SOBP: variants seen among roughly 807,000 people sequenced by gnomAD.
The protein encoded by SOBP is sine oculis-binding protein homolog.
A neutral mutation model predicts 53.6 loss-of-function variants in SOBP; 4 were observed. The observed-to-expected ratio is 0.07, with a 90% CI of 0.04 to 0.17. SOBP has a LOEUF of 0.17. Ranked by LOEUF, SOBP falls within the 10% of genes least tolerant of loss-of-function variation. SOBP has a pLI of 1.00. For synonymous variants in SOBP, 584 were observed against 522.6 expected (o/e 1.12, Z -1.60); for missense variants, 1,088 against 1,204.7 (o/e 0.90, Z 1.43).
intron 4 of SOBP, among the ~76,000 whole-genome samples, chr6:107,573,998 A>G (rs1562625194): frequency 6.6e-6 from 1 of 152,192 alleles, no homozygotes; most frequent in Admixed American, 6.5e-5. Context: ...GGCACACAGT[A>G]GATGCTCAAT....
At chr6:107,534,102 C>T (rs565550869) in intron 4 of SOBP, among the ~76,000 whole-genome samples, 19 of 152,286 alleles carry the variant, frequency 1.2e-4, no homozygotes, top group Admixed American at 2.6e-4. Context: ...CTCTTGACAT[C>T]TTATGTTAAA....
chr6:107,496,535 A>G (rs9320217), intron 1 of SOBP, among the ~76,000 whole-genome samples: 117,886 of 152,140 alleles, frequency 0.77, 45,996 homozygotes, highest in Non-Finnish European at 0.83. Flanking sequence ...GCCTGTTCCA[A>G]GTCAGAGTTG....
chr6:107,504,134 G>T (rs1431139575), intron 2 of SOBP, among the ~76,000 whole-genome samples: 1 of 152,210 alleles, frequency 6.6e-6, no homozygotes, highest in African/African-American at 2.4e-5. Context: ...ATCATCATCT[G>T]TTGGGGACTG....
At chr6:107,566,301 G>A (rs145826467) in intron 4 of SOBP, among the ~76,000 whole-genome samples, 18 of 152,346 alleles carry the variant, frequency 1.2e-4, no homozygotes, top group East Asian at 7.7e-4. Flanking sequence ...ATGGTGAGTC[G>A]TGGATGAGAT....
At chr6:107,588,289 C>G (rs1388054570) in intron 5 of SOBP, among the ~76,000 whole-genome samples, 2 of 152,178 alleles carry the variant, frequency 1.3e-5, no homozygotes, top group African/African-American at 4.8e-5. Context: ...GCCGCAGTAG[C>G]TACATGTTGA....
At chr6:107,583,586 C>T (rs987876362) in intron 4 of SOBP, among the ~76,000 whole-genome samples, 3 of 152,032 alleles carry the variant, frequency 2.0e-5, no homozygotes, top group South Asian at 2.1e-4. Context: ...AGTGTGGTGG[C>T]GCGATCATAG....
chr6:107,593,764 G>A (rs1785844425), intron 5 of SOBP, among the ~76,000 whole-genome samples: 1 of 152,200 alleles, frequency 6.6e-6, no homozygotes, highest in African/African-American at 2.4e-5. Context: ...CTAGAAGGAT[G>A]CATTAGTTTA....
chr6:107,505,145 TG>T (rs1471773925), intron 2 of SOBP, among the ~76,000 whole-genome samples: 1 of 152,220 alleles, frequency 6.6e-6, no homozygotes, highest in Non-Finnish European at 1.5e-5. Flanking sequence ...TTTTCTTCCC[TG>T]TTTCTTTCTC....
rs1388567639 is a variant in SOBP at position 107,490,137 on chromosome 6, A to G, written c.-480A>G. ...GGCGCGCTCTCCCGGGCTCACACAC[A>G]GCCGCGCACGCACGCCCGGGGCCGC... On this transcript the variant is annotated 5_prime_UTR_variant, in exon 1 of 7. Transcript: ENST00000317357. The G allele has an allele frequency of 6.7e-6, 1 of 148,556 alleles. No homozygotes were observed. The highest frequency in any genetic ancestry group is 1.5e-5 in the Non-Finnish European group (1 of 66,456). 9.2% of individuals were successfully genotyped at this position (148,556 alleles called of 1,614,324 possible). A position where few individuals can be genotyped will look rare whatever the true frequency, so the allele number is the denominator to read the frequency against.
chr6:107,534,743 A>G (rs1338305198), intron 4 of SOBP, among the ~76,000 whole-genome samples: 1 of 152,242 alleles, frequency 6.6e-6, no homozygotes, highest in East Asian at 1.9e-4. Flanking sequence ...AGTTAGGCTC[A>G]TAATCTTCAC....
intron 4 of SOBP, among the ~76,000 whole-genome samples, chr6:107,580,795 C>T (rs552114076): frequency 6.6e-6 from 1 of 152,174 alleles, no homozygotes; most frequent in East Asian, 1.9e-4. Context: ...GGTATCTAAC[C>T]AAGTAGGAGG....
At position 107,529,853 on chromosome 6, in the gene SOBP, A is replaced by T. The variant is rs541930073; in HGVS notation, c.422-3606A>T. Among the ~76,000 whole-genome samples, 9 of 152,352 alleles carry T rather than the reference A, an allele frequency of 5.9e-5. No homozygotes were observed. The East Asian group carries it at 1.7e-3, about 29-fold the overall frequency. On this transcript the variant is annotated intron_variant, in intron 3 of 6. Transcript: ENST00000317357. ...AAAAATGTTCTATAGCTCTTGGAACATTAGATTGGAAAGAAAATGCCTTAA... is the reference window on the plus strand; with the variant it reads ...AAAAATGTTCTATAGCTCTTGGAACTTTAGATTGGAAAGAAAATGCCTTAA...
At chr6:107,551,568 G>A (rs1364586782) in intron 4 of SOBP, among the ~76,000 whole-genome samples, 2 of 152,128 alleles carry the variant, frequency 1.3e-5, no homozygotes, top group African/African-American at 4.8e-5. Flanking sequence ...AATGAATCAT[G>A]ATTTCAGAAG....
At chr6:107,607,786 A>G (rs960173418) in intron 5 of SOBP, among the ~76,000 whole-genome samples, 3 of 152,242 alleles carry the variant, frequency 2.0e-5, no homozygotes, top group African/African-American at 4.8e-5. Context: ...AGAACTAACC[A>G]TATCAGCATT....
chr6:107,534,953 A>G (rs1783950318), intron 4 of SOBP, among the ~76,000 whole-genome samples: 1 of 152,180 alleles, frequency 6.6e-6, no homozygotes. Context: ...AATGCCGAGC[A>G]CTGGAGTAAC....
At chr6:107,540,215 C>T (rs987829510) in intron 4 of SOBP, among the ~76,000 whole-genome samples, 2 of 152,214 alleles carry the variant, frequency 1.3e-5, no homozygotes. Flanking sequence ...CGAGAGGCCC[C>T]ATGGGGGATC....
At chr6:107,499,134 G>C (rs1300386680) in intron 1 of SOBP, among the ~76,000 whole-genome samples, 2 of 152,086 alleles carry the variant, frequency 1.3e-5, no homozygotes, top group Non-Finnish European at 2.9e-5. Context: ...TCTTTGATTG[G>C]TCCGGGAGGT....
In SOBP at chr6:107,634,564, G is replaced by T; in HGVS notation, c.1720G>T (p.Gly574Cys). The stretch of plus-strand genomic sequence containing the variant: ...CGCCCCTGGCGACTCCGCGGCGGCG[G>T]GCGGCAAGCCAAGCGGACACTCCCT... ...PNAPGDSAAAGGKPSGHSLSP... is the reference protein window; with the variant it reads ...PNAPGDSAAACGKPSGHSLSP... Residue 574 changes from glycine to cysteine, a missense_variant, in exon 6 of 7, where the codon GGC (glycine) becomes TGC (cysteine). Coordinates refer to ENST00000317357, the MANE Select transcript of SOBP (RefSeq NM_018013.4). The surrounding 1 kb of genome is among the most constrained non-coding windows in gnomAD (Gnocchi z 4.5). 6.2e-7 allele frequency: 1 copy of T among 1,606,698 alleles called. No homozygotes were observed.
At chr6:107,567,468 TA>T (rs1284611047) in intron 4 of SOBP, among the ~76,000 whole-genome samples, 1 of 152,230 alleles carries the variant, frequency 6.6e-6, no homozygotes, top group Non-Finnish European at 1.5e-5. Context: ...TTAATGTGTA[TA>T]TACCTAATCT....
Sources: allele counts gnomAD v4.1 joint callset (sites outside exome capture counted in the v4.1 genomes callset), GRCh38; gene constraint gnomAD v4.1.1; non-coding constraint Gnocchi (gnomAD v3.1); transcripts MANE v1.5; gene names NCBI Gene and HGNC (gene_info 2026-07-23, HGNC 2026-07-21).